The following GNPAT variants were observed in gnomAD, a reference collection of about 807,000 sequenced individuals.
The protein encoded by GNPAT is glyceronephosphate O-acyltransferase.
In GNPAT, 30 loss-of-function variants were observed where a neutral mutation model predicts 78.4. The observed-to-expected ratio is 0.38, with a 90% CI of 0.29 to 0.52. The LOEUF is 0.52. Among genes scored for constraint, GNPAT ranks in the 20% least tolerant of loss-of-function variants. GNPAT has a pLI of 0.84. For synonymous variants in GNPAT, 271 were observed against 281.1 expected (o/e 0.96, Z 0.36); for missense variants, 714 against 812.2 (o/e 0.88, Z 1.47).
rs1685125321 is a variant in GNPAT, at chr1:231,258,409, C to T, written c.262-2098C>T. 4 of 152,362 alleles carry T rather than the reference C, an allele frequency of 2.6e-5. No homozygotes were observed. The South Asian group carries it at 8.3e-4, about 32-fold the overall frequency. 9.4% of individuals were successfully genotyped at this position (152,362 alleles called of 1,614,324 possible). On this transcript the variant is annotated intron_variant, in intron 2 of 15. Coordinates refer to ENST00000366647, the MANE Select transcript of GNPAT (RefSeq NM_014236.4). ...GAAAAGGCGCCTGCTCTCCTGGTCA[C>T]AGCTAGCCACACCCCTGTGGTCGGA...
chr1:231,265,364 G>C lies in GNPAT; in HGVS notation c.640G>C (p.Gly214Arg), dbSNP rs1685347593. ...SGAFFMRRTFGGNKLYWAVFS... is the reference protein window; with the variant it reads ...SGAFFMRRTFRGNKLYWAVFS... ...TGCCTTTTTCATGCGGCGTACCTTT[G>C]GTGGCAATAAACTCTACTGGGCTGT... Residue 214 changes from glycine (G) to arginine (R), a missense_variant, in exon 5 of 16, where the codon GGT becomes CGT. Physicochemically the swap from Gly to Arg is moderately radical, Grantham distance 125 (BLOSUM62 -2). Transcript: ENST00000366647. 6.2e-7 allele frequency: 1 copy of C among 1,609,324 alleles called. No homozygotes were observed. The highest frequency in any genetic ancestry group is 1.3e-5 in the African/African-American group (1 of 74,794).
At chr1:231,271,196 A>G (rs1685555077) in intron 10 of GNPAT, among the ~76,000 whole-genome samples, 196 bp downstream of exon 10, 2 of 152,224 alleles carry the variant, frequency 1.3e-5, no homozygotes, top group South Asian at 4.1e-4. Context: ...GGACCTGGAA[A>G]TAATCTAAAC....
At chr1:231,247,375 G>C (rs1684778678) in intron 1 of GNPAT, among the ~76,000 whole-genome samples, 1 of 152,172 alleles carries the variant, frequency 6.6e-6, no homozygotes, top group Admixed American at 6.5e-5. Context: ...CAGATAAGAA[G>C]TTCACAGTCT....
Position 231,266,259 on chromosome 1 carries a change from C to T in GNPAT, c.925-18C>T, listed in dbSNP as rs774251102. The T allele has an allele frequency of 6.2e-6, 10 of 1,614,028 alleles. No individual in the cohort carries two copies. In the Admixed American group the frequency reaches 1.2e-4, roughly 19 times the overall value. On this transcript the variant is annotated intron_variant, in intron 7 of 15. Coordinates refer to ENST00000366647, the MANE Select transcript of GNPAT (RefSeq NM_014236.4). Reference sequence around the variant, plus strand: ...TACTGCTTTTCGTTTTCTTCCCCCCCTGTTATGGTACTATTAGGGGTTGCT... The same window carrying T: ...TACTGCTTTTCGTTTTCTTCCCCCCTTGTTATGGTACTATTAGGGGTTGCT...
Position 231,275,336 on chromosome 1 carries a change from G to A in GNPAT, c.1843+16G>A. 1 of 1,589,454 alleles carries A rather than the reference G, an allele frequency of 6.3e-7. No individual in the cohort carries two copies. The highest frequency in any genetic ancestry group is 8.6e-7 in the Non-Finnish European group (1 of 1,157,390). ...CTCGATCAAGGTCAGTCACTGCTCT[G>A]TGGGTGCTGATTTCTTTTAGTTGAG... On this transcript the variant is annotated intron_variant, in intron 13 of 15. Transcript: ENST00000366647.
At chr1:231,262,974 T>C (rs1313940498) in intron 4 of GNPAT, 122 bp downstream of exon 4, 1 of 750,026 alleles carries the variant, frequency 1.3e-6, no homozygotes, top group East Asian at 2.6e-5. Flanking sequence ...CTTCCAGTCC[T>C]AGCACTGAAT....
intron 1 of GNPAT, among the ~76,000 whole-genome samples, chr1:231,249,538 CT>C (rs1165826459): frequency 5.9e-5 from 9 of 152,182 alleles, no homozygotes; most frequent in African/African-American, 1.9e-4. Flanking sequence ...AGAAAATGAA[CT>C]TTCCTACCTT....
At chr1:231,274,842 G>A (rs1252308427) in intron 12 of GNPAT, 1 of 277,796 alleles carries the variant, frequency 3.6e-6, no homozygotes, top group Non-Finnish European at 6.9e-6. Flanking sequence ...AAATCATCAA[G>A]TATTTTAGGG....
intron 1 of GNPAT, among the ~76,000 whole-genome samples, chr1:231,244,949 T>G (rs1260313383): frequency 2.0e-5 from 3 of 152,252 alleles, no homozygotes; most frequent in Admixed American, 6.5e-5. Flanking sequence ...TAACTGCTAT[T>G]GCTCTGACTT....
chr1:231,276,020 G>A (rs1685704995), intron 14 of GNPAT, 115 bp from the exon 15 acceptor site: 2 of 668,258 alleles, frequency 3.0e-6, no homozygotes, highest in Non-Finnish European at 5.6e-6. Context: ...CTTAGGCCCA[G>A]CCTTGAGGAA....
In GNPAT at chr1:231,277,754, ATGTG is replaced by A. The variant is rs1428153549; in HGVS notation, c.*218_*221del. On this transcript the variant is annotated 3_prime_UTR_variant, in exon 16 of 16. Coordinates refer to ENST00000366647, the MANE Select transcript of GNPAT (RefSeq NM_014236.4). ...TTAAAAGGCGTTTGTATCTGACACT[ATGTG>A]TGTGTTTTAAAATAAACTTTTGGAA... The A allele has an allele frequency of 3.7e-6, 2 of 535,586 alleles. No homozygotes were observed. Among genetic ancestry groups the A allele is most frequent in the East Asian group, 6.1e-5 (2 of 32,970 alleles). 33.2% of individuals were successfully genotyped at this position (535,586 alleles called of 1,614,324 possible).
chr1:231,241,529 C>T (rs1375541040), intron 1 of GNPAT, 73 bp downstream of exon 1: 10 of 1,098,866 alleles, frequency 9.1e-6, no homozygotes, highest in South Asian at 6.2e-5. Flanking sequence ...GTCCCTATTC[C>T]TCCGGCCCAC....
chr1:231,253,072 C>A (rs1317974020), intron 2 of GNPAT, among the ~76,000 whole-genome samples: 1 of 152,110 alleles, frequency 6.6e-6, no homozygotes, highest in Admixed American at 6.6e-5. Context: ...GGGTTCATGC[C>A]ATTCTCCTGC....
intron 9 of GNPAT, among the ~76,000 whole-genome samples, chr1:231,269,239 G>A (rs752091506): frequency 6.6e-6 from 1 of 152,096 alleles, no homozygotes; most frequent in Non-Finnish European, 1.5e-5. Context: ...TCACAGAAGC[G>A]ACTTTTGAAC....
In GNPAT at chr1:231,265,371, A is replaced by G; in HGVS notation, c.647A>G (p.Asn216Ser). Residue 216 changes from asparagine to serine, a missense_variant, in exon 5 of 16, where the codon AAT becomes AGT. Asn to Ser is a conservative substitution (Grantham distance 46). Transcript: ENST00000366647. ...TTCATGCGGCGTACCTTTGGTGGCA[A>G]TAAACTCTACTGGGCTGTATTCTCT... ...AFFMRRTFGG[N>S]KLYWAVFSEY... is the part of the protein sequence containing the mutation. The G allele has an allele frequency of 6.2e-7, 1 of 1,610,136 alleles. No individual in the cohort carries two copies. Among genetic ancestry groups the G allele is most frequent in the Non-Finnish European group, 8.5e-7 (1 of 1,176,398 alleles).
At chr1:231,267,333 G>A (rs1002550090) in intron 8 of GNPAT, among the ~76,000 whole-genome samples, 5 of 152,108 alleles carry the variant, frequency 3.3e-5, no homozygotes, top group Non-Finnish European at 5.9e-5. Context: ...TATGTTCAGC[G>A]TGCTATGCAT....
chr1:231,259,372 G>T (rs1353943566), intron 2 of GNPAT, among the ~76,000 whole-genome samples: 6 of 152,152 alleles, frequency 3.9e-5, no homozygotes, highest in Non-Finnish European at 8.8e-5. Context: ...ATTTGGCCGG[G>T]TGTGGTGGCT....
At chr1:231,264,136 G>T (rs774008696) in intron 4 of GNPAT, among the ~76,000 whole-genome samples, 1 of 152,158 alleles carries the variant, frequency 6.6e-6, no homozygotes, top group Non-Finnish European at 1.5e-5. Context: ...CTGGTTCCCT[G>T]TGCTTTTGGT....
At chr1:231,260,483 T>C in intron 2 of GNPAT, 24 bp from the exon 3 acceptor site, 1 of 1,554,270 alleles carries the variant, frequency 6.4e-7, no homozygotes, top group African/African-American at 1.4e-5. Context: ...TTAGAAATTA[T>C]TCCTGCTTTT....
Sources: gnomAD v4.1 joint callset for allele counts (sites outside exome capture counted in the v4.1 genomes callset) on GRCh38, gnomAD v4.1.1 for gene constraint, MANE v1.5 for transcripts, NCBI Gene and HGNC (gene_info 2026-07-23, HGNC 2026-07-21) for gene names.